APOL6: variants seen among roughly 807,000 people sequenced by gnomAD.
APOL6 encodes apolipoprotein L, 6.
A neutral mutation model predicts 2.4 loss-of-function variants in APOL6; 1 was observed. That is an observed-to-expected ratio of 0.41 (90% CI 0.15 to 1.94). APOL6 has a LOEUF of 1.94. Ranked by LOEUF, APOL6 falls within the 30% of genes most tolerant of loss-of-function variation. The pLI, the probability that APOL6 is intolerant of heterozygous loss-of-function variation, is 0.30. For synonymous variants in APOL6, 189 were observed against 169.3 expected, an observed-to-expected ratio of 1.12 and a Z score of -0.90; for missense variants, 438 against 429.2, an observed-to-expected ratio of 1.02 and a Z score of -0.18.
At position 35,663,866 on chromosome 22, in the gene APOL6, T is replaced by A. The variant is rs1045547626; in HGVS notation, c.*4270T>A. 1 of 152,180 alleles carries A rather than the reference T, an allele frequency of 6.6e-6. No individual in the cohort carries two copies. 9.4% of individuals were successfully genotyped at this position (152,180 alleles called of 1,614,324 possible). A position where few individuals can be genotyped will look rare whatever the true frequency, so the allele number is the denominator to read the frequency against. On this transcript the variant is annotated 3_prime_UTR_variant, in exon 3 of 3. Coordinates refer to ENST00000409652, the MANE Select transcript of APOL6 (RefSeq NM_030641.4). ...AGGAAAAAAAAGTGGGGGGGCATTATAAATCTATAAAATGTACTTCTATTG... is the reference window on the plus strand; with the variant it reads ...AGGAAAAAAAAGTGGGGGGGCATTAAAAATCTATAAAATGTACTTCTATTG...
At chr22:35,656,690 T>C (rs1924853979) in intron 2 of APOL6, among the ~76,000 whole-genome samples, 1 of 152,186 alleles carries the variant, frequency 6.6e-6, no homozygotes, top group South Asian at 2.1e-4. Context: ...CAAGTCAAGA[T>C]TAAGTCAGGC....
rs1925140245 is a variant in APOL6, at chr22:35,665,132, A to G, written c.*5536A>G. On this transcript the variant is annotated 3_prime_UTR_variant, in exon 3 of 3. Transcript: ENST00000409652. ...TATACACACACACACACACACCCCAAAAGCTTTTATATAATCAAGTTGTCA... is the reference window on the plus strand; with the variant it reads ...TATACACACACACACACACACCCCAGAAGCTTTTATATAATCAAGTTGTCA... 6.6e-6 allele frequency: 1 copy of G among 151,780 alleles called. No homozygotes were observed. The highest frequency in any genetic ancestry group is 1.5e-5 in the Non-Finnish European group (1 of 67,980). 9.4% of individuals were successfully genotyped at this position (151,780 alleles called of 1,614,324 possible). A position where few individuals can be genotyped will look rare whatever the true frequency, so the allele number is the denominator to read the frequency against.
At position 35,663,028 on chromosome 22, in the gene APOL6, G is replaced by C. The variant is rs1470620745; in HGVS notation, c.*3432G>C. 4 of 152,060 alleles carry C rather than the reference G, an allele frequency of 2.6e-5. No individual in the cohort carries two copies. Among genetic ancestry groups the C allele is most frequent in the Non-Finnish European group, 5.9e-5 (4 of 67,994 alleles). The allele number at this position is 152,060 out of a possible 1,614,324, so 9.4% of individuals were successfully genotyped here. On this transcript the variant is annotated 3_prime_UTR_variant, in exon 3 of 3. Coordinates refer to ENST00000409652, the MANE Select transcript of APOL6 (RefSeq NM_030641.4). ...GATGGAAGGCAGGTGATGTTTTTAT[G>C]GAGTTTCAGCTTTCTTCCAATGCAC...
intron 2 of APOL6, among the ~76,000 whole-genome samples, chr22:35,657,138 A>G (rs557225486): frequency 6.6e-6 from 1 of 152,310 alleles, no homozygotes; most frequent in Non-Finnish European, 1.5e-5. Flanking sequence ...GTTCATACAC[A>G]GTGGCGTTGT....
intron 1 of APOL6, 132 bp downstream of exon 1, chr22:35,648,755 A>T (rs982732110): frequency 6.6e-6 from 1 of 152,284 alleles, no homozygotes; most frequent in Non-Finnish European, 1.5e-5. Context: ...CGGGGTTCAA[A>T]TGCCAGCCAG....
intron 1 of APOL6, among the ~76,000 whole-genome samples, chr22:35,652,711 A>G (rs960164066): frequency 2.6e-5 from 4 of 152,162 alleles, no homozygotes; most frequent in African/African-American, 9.7e-5. Flanking sequence ...AGTTGTAGAT[A>G]TGCGGCATTA....
At chr22:35,654,358 C>A (rs775641710) in intron 1 of APOL6, among the ~76,000 whole-genome samples, 1 of 152,204 alleles carries the variant, frequency 6.6e-6, no homozygotes, top group South Asian at 2.1e-4. Context: ...AGCAGCCCCC[C>A]ATCCTTGGAG....
In APOL6 at chr22:35,667,308, A is replaced by T. The variant is rs1273880294; in HGVS notation, c.*7712A>T. On this transcript the variant is annotated 3_prime_UTR_variant, in exon 3 of 3. Coordinates refer to ENST00000409652, the MANE Select transcript of APOL6 (RefSeq NM_030641.4). ...CTGGGCATGGCTTTAAGAAAGTCTT[A>T]TCTGAGATTCCTCCTGTGGAACAAA... 6.6e-6 allele frequency: 1 copy of T among 152,218 alleles called. No individual in the cohort carries two copies. The highest frequency in any genetic ancestry group is 2.4e-5 in the African/African-American group (1 of 41,460). 9.4% of individuals were successfully genotyped at this position (152,218 alleles called of 1,614,324 possible). A position where few individuals can be genotyped will look rare whatever the true frequency, so the allele number is the denominator to read the frequency against.
rs1186938411 is a variant in APOL6 at position 35,662,939 on chromosome 22, C to A, written c.*3343C>A. ...ATCGGAAGTTTATTTTGCTGTACAACACCTCTTTTTTTGGAGTTTTACTTG... is the reference window on the plus strand; with the variant it reads ...ATCGGAAGTTTATTTTGCTGTACAAAACCTCTTTTTTTGGAGTTTTACTTG... On this transcript the variant is annotated 3_prime_UTR_variant, in exon 3 of 3. Transcript: ENST00000409652. The A allele has an allele frequency of 1.3e-5, 2 of 152,172 alleles. No individual in the cohort carries two copies. The highest frequency in any genetic ancestry group is 4.8e-5 in the African/African-American group (2 of 41,448). The allele number at this position is 152,172 out of a possible 1,614,324, so 9.4% of individuals were successfully genotyped here. A position where few individuals can be genotyped will look rare whatever the true frequency, so the allele number is the denominator to read the frequency against.
chr22:35,668,182 T>C lies in APOL6; in HGVS notation c.*8586T>C, dbSNP rs1318622812. On this transcript the variant is annotated 3_prime_UTR_variant, in exon 3 of 3. Transcript: ENST00000409652. Reference sequence around the variant, plus strand: ...CCAATTGCCAATCAGAAAATTGTTATATCTACCTATAATCTAGAAGCCCCC... The same window carrying C: ...CCAATTGCCAATCAGAAAATTGTTACATCTACCTATAATCTAGAAGCCCCC... The C allele has an allele frequency of 1.3e-5, 2 of 152,242 alleles. No homozygotes were observed. The highest frequency in any genetic ancestry group is 2.9e-5 in the Non-Finnish European group (2 of 68,042). The allele number at this position is 152,242 out of a possible 1,614,324, so 9.4% of individuals were successfully genotyped here.
chr22:35,659,278 T>G lies in APOL6; in HGVS notation c.714T>G (p.Gly238=), dbSNP rs148322582. The change falls in exon 3 of 3, where the codon GGT becomes GGG. Residue 238 remains glycine (G), a synonymous_variant. Coordinates refer to ENST00000409652, the MANE Select transcript of APOL6 (RefSeq NM_030641.4). The stretch of plus-strand genomic sequence containing the variant: ...CCAAAAATGCTCGCGTGCTGGGAGG[T>G]GTGATGTCCGCCTTCTCCCTTGGCT... ...AMTKNARVLG[G]VMSAFSLGYD... is the part of the protein sequence containing the mutation. The G allele has an allele frequency of 6.2e-7, 1 of 1,613,400 alleles. No individual in the cohort carries two copies. Among genetic ancestry groups the G allele is most frequent in the African/African-American group, 1.3e-5 (1 of 74,670 alleles).
In APOL6 at chr22:35,668,243, T is replaced by C. The variant is rs1925246221; in HGVS notation, c.*8647T>C. ...GTTTTGCCTTTCTGGACAGGACCAA[T>C]GTATATCTTAAATGTATTTGATTGA... On this transcript the variant is annotated 3_prime_UTR_variant, in exon 3 of 3. Coordinates refer to ENST00000409652, the MANE Select transcript of APOL6 (RefSeq NM_030641.4). The C allele has an allele frequency of 6.6e-6, 1 of 152,198 alleles. No homozygotes were observed. Among genetic ancestry groups the C allele is most frequent in the African/African-American group, 2.4e-5 (1 of 41,434 alleles). The allele number at this position is 152,198 out of a possible 1,614,324, so 9.4% of individuals were successfully genotyped here.
chr22:35,668,229 C>T lies in APOL6; in HGVS notation c.*8633C>T, dbSNP rs993838962. The T allele has an allele frequency of 6.6e-6, 1 of 152,144 alleles. No individual in the cohort carries two copies. The highest frequency in any genetic ancestry group is 1.5e-5 in the Non-Finnish European group (1 of 68,042). 9.4% of individuals were successfully genotyped at this position (152,144 alleles called of 1,614,324 possible). ...CCCCACATCAAGTTGTTTTGCCTTTCTGGACAGGACCAATGTATATCTTAA... is the reference window on the plus strand; with the variant it reads ...CCCCACATCAAGTTGTTTTGCCTTTTTGGACAGGACCAATGTATATCTTAA... On this transcript the variant is annotated 3_prime_UTR_variant, in exon 3 of 3. Coordinates refer to ENST00000409652, the MANE Select transcript of APOL6 (RefSeq NM_030641.4).
At chr22:35,656,903 A>G (rs1247742366) in intron 2 of APOL6, among the ~76,000 whole-genome samples, 1 of 152,200 alleles carries the variant, frequency 6.6e-6, no homozygotes, top group Admixed American at 6.5e-5. Flanking sequence ...CCCCCTGCAC[A>G]ATGTGTGCAA....
At position 35,667,669 on chromosome 22, in the gene APOL6, G is replaced by C. The variant is rs1925225257; in HGVS notation, c.*8073G>C. The C allele has an allele frequency of 6.6e-6, 1 of 152,212 alleles. No homozygotes were observed. Among genetic ancestry groups the C allele is most frequent in the Non-Finnish European group, 1.5e-5 (1 of 68,048 alleles). The allele number at this position is 152,212 out of a possible 1,614,324, so 9.4% of individuals were successfully genotyped here. ...AGCACCAAGCTGTAGAAGCTACATA[G>C]TTGTAGACCAGGGTCAGCAACCCAA... On this transcript the variant is annotated 3_prime_UTR_variant, in exon 3 of 3. Coordinates refer to ENST00000409652, the MANE Select transcript of APOL6 (RefSeq NM_030641.4).
intron 1 of APOL6, among the ~76,000 whole-genome samples, chr22:35,652,509 C>T (rs1924724409): frequency 6.6e-6 from 1 of 152,094 alleles, no homozygotes; most frequent in Non-Finnish European, 1.5e-5. Context: ...AGGTTTTCTT[C>T]TAGGGTTTTT....
intron 1 of APOL6, among the ~76,000 whole-genome samples, chr22:35,651,038 G>A (rs1924676763): frequency 6.6e-6 from 1 of 152,162 alleles, no homozygotes; most frequent in Non-Finnish European, 1.5e-5. Flanking sequence ...AAGAGGATGA[G>A]AGAAGGGAGG....
At chr22:35,653,046 ATTTG>A (rs1386303793) in intron 1 of APOL6, among the ~76,000 whole-genome samples, 1 of 151,640 alleles carries the variant, frequency 6.6e-6, no homozygotes, top group Admixed American at 6.6e-5. Flanking sequence ...ATGTTCTTCC[ATTTG>A]TTTGTATCCT....
At chr22:35,655,586 TA>T (rs894005641) in intron 1 of APOL6, among the ~76,000 whole-genome samples, 18 of 152,184 alleles carry the variant, frequency 1.2e-4, no homozygotes, top group African/African-American at 4.3e-4. Flanking sequence ...TTTAACTATA[TA>T]AAAAAACTAT....
Sources: allele counts gnomAD v4.1 joint callset (sites outside exome capture counted in the v4.1 genomes callset), GRCh38; gene constraint gnomAD v4.1.1; transcripts MANE v1.5; gene names NCBI Gene and HGNC (gene_info 2026-07-23, HGNC 2026-07-21).